The following MACROD2 variants were observed in gnomAD, a reference collection of about 807,000 sequenced individuals.
MACROD2 encodes the protein mono-ADP ribosylhydrolase 2.
Under a neutral mutation model 70.4 loss-of-function variants are expected in MACROD2, and 36 were observed. That is an observed-to-expected ratio of 0.51 (90% CI 0.39 to 0.68). The LOEUF is 0.68. Ranked by LOEUF, MACROD2 falls within the 30% of genes least tolerant of loss-of-function variation. The probability of loss-of-function intolerance (pLI) is 0.00; values close to 1 mark genes in which losing one functional copy is unlikely to be tolerated. For synonymous variants in MACROD2, 172 were observed against 178.8 expected, an observed-to-expected ratio of 0.96 and a Z score of 0.30; for missense variants, 496 against 538.4, an observed-to-expected ratio of 0.92 and a Z score of 0.78.
chr20:15,201,810 T>G (rs2076658736), intron 5 of MACROD2, among the ~76,000 whole-genome samples: 1 of 152,218 alleles, frequency 6.6e-6, no homozygotes, highest in African/African-American at 2.4e-5. Flanking sequence ...TGCAGTCTCC[T>G]TTTATTCTGA....
At chr20:14,245,977 C>A (rs2081965667) in intron 3 of MACROD2, among the ~76,000 whole-genome samples, 1 of 152,154 alleles carries the variant, frequency 6.6e-6, no homozygotes, top group African/African-American at 2.4e-5. Context: ...TTATCTCAGG[C>A]TAACCTATCC....
intron 3 of MACROD2, among the ~76,000 whole-genome samples, chr20:14,488,517 A>G (rs1036884208): frequency 2.6e-5 from 4 of 152,226 alleles, no homozygotes; most frequent in Admixed American, 2.6e-4. Flanking sequence ...TGGGTAAAGC[A>G]ACATTCAGTA....
intron 5 of MACROD2, among the ~76,000 whole-genome samples, chr20:14,995,530 A>T (rs1167623413): frequency 6.6e-6 from 1 of 152,040 alleles, no homozygotes; most frequent in Non-Finnish European, 1.5e-5. Context: ...AATAAAATAA[A>T]ATTAATAAAT....
intron 15 of MACROD2, among the ~76,000 whole-genome samples, chr20:16,012,777 G>A (rs1339420618): frequency 1.3e-5 from 2 of 152,194 alleles, no homozygotes; most frequent in African/African-American, 4.8e-5. Context: ...GGGAGAGCAC[G>A]TGTGACAGAA....
At chr20:15,954,012 C>A (rs1250224577) in intron 12 of MACROD2, among the ~76,000 whole-genome samples, 2 of 152,126 alleles carry the variant, frequency 1.3e-5, no homozygotes, top group East Asian at 3.8e-4. Flanking sequence ...AAACAGATAG[C>A]TGGCTTTAAT....
intron 3 of MACROD2, among the ~76,000 whole-genome samples, chr20:14,407,561 G>T (rs978723814): frequency 3.6e-4 from 55 of 152,060 alleles, no homozygotes; most frequent in African/African-American, 1.3e-3. Context: ...AGACTAAAAA[G>T]CCATTCCCAG....
chr20:14,140,382 T>G (rs2054855016), intron 3 of MACROD2, among the ~76,000 whole-genome samples: 1 of 152,212 alleles, frequency 6.6e-6, no homozygotes, highest in Non-Finnish European at 1.5e-5. Flanking sequence ...TGTTATTAGT[T>G]GTATAAACAA....
At chr20:15,018,056 C>G (rs1446226848) in intron 5 of MACROD2, among the ~76,000 whole-genome samples, 1 of 152,216 alleles carries the variant, frequency 6.6e-6, no homozygotes, top group Non-Finnish European at 1.5e-5. Context: ...CCTTGAATTT[C>G]TCCCCAGAAA....
chr20:15,432,781 C>T (rs1460926567), intron 7 of MACROD2, among the ~76,000 whole-genome samples: 1 of 151,894 alleles, frequency 6.6e-6, no homozygotes, highest in East Asian at 1.9e-4. Context: ...TGTTTATTAC[C>T]TTGTCAGAGA....
intron 8 of MACROD2, among the ~76,000 whole-genome samples, chr20:15,751,911 C>A (rs145487201): frequency 3.6e-4 from 55 of 151,078 alleles, no homozygotes; most frequent in Non-Finnish European, 4.3e-4. Flanking sequence ...ATCAAATGTG[C>A]TGTGAATAAA....
At chr20:14,460,458 G>A (rs558781870) in intron 3 of MACROD2, among the ~76,000 whole-genome samples, 2 of 152,028 alleles carry the variant, frequency 1.3e-5, no homozygotes, top group East Asian at 1.9e-4. Flanking sequence ...ATTTTGATTT[G>A]CATTTCTCTA....
At chr20:14,365,864 GTTGGTTAATA>G (rs1328870941) in intron 3 of MACROD2, among the ~76,000 whole-genome samples, 1 of 152,078 alleles carries the variant, frequency 6.6e-6, no homozygotes, top group Non-Finnish European at 1.5e-5. Context: ...TGGCCTAATA[GTTGGTTAATA>G]TTGTGTTATT....
intron 8 of MACROD2, among the ~76,000 whole-genome samples, chr20:15,513,057 A>G (rs2047520383): frequency 6.6e-6 from 1 of 152,200 alleles, no homozygotes; most frequent in South Asian, 2.1e-4. Context: ...CTCCTTCTAC[A>G]AATTTAAACT....
At chr20:15,721,598 T>C (rs2050788233) in intron 8 of MACROD2, among the ~76,000 whole-genome samples, 1 of 152,216 alleles carries the variant, frequency 6.6e-6, no homozygotes, top group Non-Finnish European at 1.5e-5. Context: ...TAGAATTTTT[T>C]CCTAAGTTAA....
intron 2 of MACROD2, among the ~76,000 whole-genome samples, chr20:14,021,191 G>C (rs1290551483): frequency 6.6e-6 from 1 of 151,970 alleles, no homozygotes; most frequent in Non-Finnish European, 1.5e-5. Flanking sequence ...CGGTTTCACC[G>C]TGTTAGCCAG....
chr20:14,652,524 ATAAC>A (rs1165165298), intron 4 of MACROD2, among the ~76,000 whole-genome samples: 29 of 152,172 alleles, frequency 1.9e-4, no homozygotes, highest in Non-Finnish European at 4.4e-5. Context: ...ACTTAACACA[ATAAC>A]TAAAAACATT....
At chr20:15,401,705 G>T (rs1448310015) in intron 6 of MACROD2, among the ~76,000 whole-genome samples, 1 of 152,202 alleles carries the variant, frequency 6.6e-6, no homozygotes, top group Non-Finnish European at 1.5e-5. Context: ...ATACATGTTT[G>T]TTAATAAATT....
At chr20:15,351,049 A>C (rs1257521382) in intron 6 of MACROD2, among the ~76,000 whole-genome samples, 1 of 151,694 alleles carries the variant, frequency 6.6e-6, no homozygotes. Flanking sequence ...ATTATTATGG[A>C]AAGTGTTAAC....
chr20:14,912,485 T>TG (rs1164565252), intron 5 of MACROD2, among the ~76,000 whole-genome samples: 1 of 152,172 alleles, frequency 6.6e-6, no homozygotes, highest in African/African-American at 2.4e-5. Flanking sequence ...TCAAGTTTCC[T>TG]GTTGGGGCAT....
Sources: allele counts gnomAD v4.1 joint callset (sites outside exome capture counted in the v4.1 genomes callset), GRCh38; gene constraint gnomAD v4.1.1; transcripts MANE v1.5; gene names NCBI Gene and HGNC (gene_info 2026-07-23, HGNC 2026-07-21).